TP53I13: variants seen among roughly 807,000 people sequenced by gnomAD.
The protein encoded by TP53I13 is tumor protein p53-inducible protein 13.
TP53I13 carries 27 observed loss-of-function variants against 39.1 expected under a neutral mutation model. The observed-to-expected ratio is 0.69, with a 90% CI of 0.51 to 0.95. The LOEUF is 0.95. Among genes scored for constraint, TP53I13 ranks in the 40% least tolerant of loss-of-function variants. The pLI is 0.00. For missense variants in TP53I13, 544 were observed against 520.4 expected (o/e 1.05, Z -0.44); for synonymous variants, 230 against 224.6 (o/e 1.02, Z -0.22).
At chr17:29,579,968 G>A in the TP53I13 span, among the ~76,000 whole-genome samples, 44 of 152,216 alleles carry the variant, frequency 2.9e-4, no homozygotes, top group African/African-American at 1.0e-3. Context: ...TCTCCAGCTC[G>A]TCTCTATCCC....
chr17:29,566,619 T>C (rs1474533769), upstream of TP53I13: 19 of 1,608,374 alleles, frequency 1.2e-5, no homozygotes, highest in African/African-American at 8.0e-5. Context: ...GCCCAGGCGC[T>C]ACGGGCAGGA....
At chr17:29,581,865 G>A in the TP53I13 span, 2 of 1,609,558 alleles carry the variant, frequency 1.2e-6, no homozygotes, top group African/African-American at 1.3e-5. The surrounding 1 kb of genome is among the most constrained non-coding windows in gnomAD (Gnocchi z 4.8). Flanking sequence ...GCTCAGACCT[G>A]CAGCAGCAGC....
chr17:29,581,421 G>GGCCACCCAGCACTA, the TP53I13 span: 1 of 1,516,710 alleles, frequency 6.6e-7, no homozygotes, highest in Non-Finnish European at 9.2e-7. This position sits in a 1 kb window ranked among gnomAD's most constrained non-coding sequence, Gnocchi z 4.8. Flanking sequence ...ACTAGTGCTG[G>GGCCACCCAGCACTA]GTGGCCTCAG....
At chr17:29,578,599 G>A in the TP53I13 span, 2 of 906,410 alleles carry the variant, frequency 2.2e-6, no homozygotes, top group Non-Finnish European at 1.9e-6. Context: ...GGGGACTGCT[G>A]AGGCCAGTGA....
At chr17:29,567,621 C>A (rs959956327), upstream of TP53I13, 3 of 152,146 alleles carry the variant, frequency 2.0e-5, no homozygotes, top group African/African-American at 7.2e-5. The surrounding 1 kb of genome is among the most constrained non-coding windows in gnomAD (Gnocchi z 6.6). Flanking sequence ...CCGCCTGCAT[C>A]AGTGCGGGTC....
At chr17:29,572,729 C>T (rs772228492) in intron 6 of TP53I13, 32 bp downstream of exon 6, 60 of 1,485,180 alleles carry the variant, frequency 4.0e-5, no homozygotes, top group Non-Finnish European at 5.1e-5. Flanking sequence ...CTACCCGAGG[C>T]CCCCGCCCCA....
downstream of TP53I13, chr17:29,577,014 TCACTCAGGCCA>T (rs1445438478): frequency 6.2e-7 from 1 of 1,604,158 alleles, no homozygotes; most frequent in African/African-American, 1.3e-5. Flanking sequence ...CACAGGAGTG[TCACTCAGGCCA>T]CACTCCACCA....
At chr17:29,581,145 C>T in the TP53I13 span, 1 of 612,780 alleles carries the variant, frequency 1.6e-6, no homozygotes, top group Non-Finnish European at 2.9e-6. The surrounding 1 kb of genome is among the most constrained non-coding windows in gnomAD (Gnocchi z 4.8). Flanking sequence ...GCTATGCGGG[C>T]CACATATGGA....
the TP53I13 span, chr17:29,581,933 T>C: frequency 7.1e-7 from 1 of 1,416,276 alleles, no homozygotes; most frequent in Admixed American, 1.8e-5. The surrounding 1 kb of genome is among the most constrained non-coding windows in gnomAD (Gnocchi z 4.8). Flanking sequence ...TCACCTGGCA[T>C]AGTCAATGGG....
chr17:29,575,216 C>T, downstream of TP53I13: 2 of 1,552,458 alleles, frequency 1.3e-6, no homozygotes, highest in South Asian at 1.2e-5. The surrounding 1 kb of genome is among the most constrained non-coding windows in gnomAD (Gnocchi z 5.5). Context: ...ACCCAGGGCC[C>T]CTCATGCTCT....
downstream of TP53I13, chr17:29,573,488 T>C (rs538317795): frequency 6.5e-6 from 1 of 152,760 alleles, no homozygotes; most frequent in South Asian, 2.1e-4. Flanking sequence ...TGGTCACTTC[T>C]TTATTTTTGA....
chr17:29,569,139 C>T, intron 2 of TP53I13, 53 bp downstream of exon 2: 3 of 1,541,626 alleles, frequency 1.9e-6, no homozygotes, highest in Non-Finnish European at 2.6e-6. Context: ...CTAGCCCAGT[C>T]CCGCTCTGTT....
downstream of TP53I13, chr17:29,575,055 T>C (rs2033141339): frequency 3.2e-6 from 5 of 1,559,722 alleles, no homozygotes; most frequent in South Asian, 1.2e-5. This position sits in a 1 kb window ranked among gnomAD's most constrained non-coding sequence, Gnocchi z 5.5. Flanking sequence ...CTCCCACTCC[T>C]GGTCCTCTCT....
chr17:29,576,269 C>T, downstream of TP53I13: 1 of 1,610,236 alleles, frequency 6.2e-7, no homozygotes, highest in Non-Finnish European at 8.5e-7. Flanking sequence ...CCCAGGGGGG[C>T]CCCCAAAGGG....
the TP53I13 span, among the ~76,000 whole-genome samples, chr17:29,579,498 C>A: frequency 6.6e-6 from 1 of 152,182 alleles, no homozygotes; most frequent in African/African-American, 2.4e-5. Flanking sequence ...GTAATCCTAG[C>A]ACTTTGGGAG....
In TP53I13 at chr17:29,568,740, G is replaced by C. The variant is rs777654072; in HGVS notation, c.-19G>C. ...TGGCGGAGCGGCTGGGCGGCGGGCC[G>C]GGCCCGGGGCCGCTTGGAATGGCGC... is the stretch of plus-strand genomic sequence containing the variant. On this transcript the variant is annotated 5_prime_UTR_variant, in exon 1 of 7. Transcript: ENST00000301057. This position sits in a 1 kb window ranked among gnomAD's most constrained non-coding sequence, Gnocchi z 4.5. 7.3e-6 allele frequency: 11 copies of C among 1,505,620 alleles called. No individual in the cohort carries two copies. The highest frequency in any genetic ancestry group is 7.9e-6 in the Non-Finnish European group (9 of 1,135,722). 93.3% of individuals were successfully genotyped at this position (1,505,620 alleles called of 1,614,324 possible). A position where few individuals can be genotyped will look rare whatever the true frequency, so the allele number is the denominator to read the frequency against.
upstream of TP53I13, chr17:29,566,993 A>G: frequency 7.8e-7 from 1 of 1,287,570 alleles, no homozygotes; most frequent in Non-Finnish European, 9.8e-7. Flanking sequence ...CCCGGCGGGC[A>G]GCGGGCGGCG....
the TP53I13 span, chr17:29,579,103 G>A: frequency 1.6e-5 from 14 of 856,600 alleles, no homozygotes; most frequent in Middle Eastern, 2.6e-4. Flanking sequence ...ACGCACACCC[G>A]GCCCAGAAGG....
chr17:29,575,260 C>G (rs2033149214), downstream of TP53I13: 1 of 1,589,084 alleles, frequency 6.3e-7, no homozygotes, highest in African/African-American at 1.3e-5. This position sits in a 1 kb window ranked among gnomAD's most constrained non-coding sequence, Gnocchi z 5.5. Flanking sequence ...GGAACTGCAT[C>G]CCCCTCACCT....
Sources: allele counts gnomAD v4.1 joint callset (sites outside exome capture counted in the v4.1 genomes callset), GRCh38; gene constraint gnomAD v4.1.1; non-coding constraint Gnocchi (gnomAD v3.1); transcripts MANE v1.5; gene names NCBI Gene and HGNC (gene_info 2026-07-23, HGNC 2026-07-21).